Variants in TCF20 observed in about 807,000 individuals in gnomAD.
TCF20 encodes the protein transcription factor 20.
TCF20 carries 3 observed loss-of-function variants against 148.6 expected under a neutral mutation model. The observed-to-expected ratio is 0.02, with a 90% confidence interval of 0.01 to 0.05. The LOEUF is 0.05. Among genes scored for constraint, TCF20 ranks in the 10% least tolerant of loss-of-function variants. The pLI, the probability that TCF20 is intolerant of heterozygous loss-of-function variation, is 1.00. For synonymous variants in TCF20, 1,049 were observed against 909.5 expected, an observed-to-expected ratio of 1.15 and a Z score of -2.76; for missense variants, 2,350 against 2,429.3, an observed-to-expected ratio of 0.97 and a Z score of 0.69.
chr22:42,267,916 C>A lies in TCF20; in HGVS notation c.-37+2423G>T, dbSNP rs1264304671. On this transcript the variant is annotated intron_variant, in intron 1 of 5. Coordinates refer to ENST00000677622, the MANE Select transcript of TCF20 (RefSeq NM_001378418.1). ...ATCCCAGCACTTTGGGAAGTCAAGGCAGGCGGATCACCTGAGGTCAGGAGT... is the reference window on the plus strand; with the variant it reads ...ATCCCAGCACTTTGGGAAGTCAAGGAAGGCGGATCACCTGAGGTCAGGAGT... Among the ~76,000 whole-genome samples the A allele has an allele frequency of 3.3e-5, 5 of 152,296 alleles. No individual in the cohort carries two copies. The East Asian group carries it at 9.7e-4, about 29-fold the overall frequency.
At chr22:42,224,422 G>A (rs1262308143) in intron 1 of TCF20, among the ~76,000 whole-genome samples, 3 of 149,402 alleles carry the variant, frequency 2.0e-5, no homozygotes, top group Non-Finnish European at 3.0e-5. Flanking sequence ...CAGTGAGATC[G>A]CACCACTGCA....
intron 1 of TCF20, among the ~76,000 whole-genome samples, chr22:42,223,256 A>AT (rs1044994674): frequency 1.3e-5 from 2 of 152,110 alleles, no homozygotes; most frequent in African/African-American, 4.8e-5. Flanking sequence ...AATTAATGTA[A>AT]TTTTTTCCAA....
chr22:42,279,612 G>T lies in TCF20; in HGVS notation c.-37+4215C>A, dbSNP rs1926856622. Among the ~76,000 whole-genome samples, 1 of 152,246 alleles carries T rather than the reference G, an allele frequency of 6.6e-6. No homozygotes were observed. Among genetic ancestry groups the T allele is most frequent in the Non-Finnish European group, 1.5e-5 (1 of 68,046 alleles). On this transcript the variant is annotated intron_variant, in intron 1 of 5. Transcript: ENST00000359486. This position sits in a 1 kb window ranked among gnomAD's most constrained non-coding sequence, Gnocchi z 4.3. Reference sequence around the variant, plus strand: ...CCCGAGTGAGGGCTGCAGGCACACAGTGACTGCGCTTCTCAGTGCCACAAG... The same window carrying T: ...CCCGAGTGAGGGCTGCAGGCACACATTGACTGCGCTTCTCAGTGCCACAAG...
In TCF20 at chr22:42,197,515, G is replaced by C. The variant is rs142652891; in HGVS notation, c.5655+12136C>G. Among the ~76,000 whole-genome samples the C allele has an allele frequency of 5.2e-3, 797 of 152,040 alleles. 21 individuals carry two copies. In the East Asian group the frequency reaches 0.063, roughly 12 times the overall value. On this transcript the variant is annotated intron_variant, in intron 2 of 5. Transcript: ENST00000677622. ...TTTTTTGTATTTTTAGTAGAGACAG[G>C]GTTTCACCGTGTTAGCCAGGATGGT...
At chr22:42,302,592 C>A (rs1053382883) in intron 1 of TCF20, among the ~76,000 whole-genome samples, 3 of 152,198 alleles carry the variant, frequency 2.0e-5, no homozygotes, top group Non-Finnish European at 1.5e-5. Context: ...CCTCTTTCAT[C>A]CCTGTCCTTG....
intron 1 of TCF20, among the ~76,000 whole-genome samples, chr22:42,307,329 C>T (rs1265863156): frequency 6.6e-6 from 1 of 152,232 alleles, no homozygotes; most frequent in Admixed American, 6.5e-5. Flanking sequence ...CATTCCCTGC[C>T]TTCCATCTGC....
At chr22:42,175,822 T>C (rs1423527669) in intron 3 of TCF20, among the ~76,000 whole-genome samples, 1 of 151,944 alleles carries the variant, frequency 6.6e-6, no homozygotes, top group East Asian at 1.9e-4. Context: ...TTCATTTTTG[T>C]TTTGAGATAG....
At chr22:42,195,127 T>C (rs746475137) in intron 2 of TCF20, among the ~76,000 whole-genome samples, 1 of 149,316 alleles carries the variant, frequency 6.7e-6, no homozygotes, top group Non-Finnish European at 1.5e-5. Context: ...TGGGAGACCC[T>C]GGAGGAAGAA....
At chr22:42,238,588 A>T (rs1021236522) in intron 1 of TCF20, among the ~76,000 whole-genome samples, 4 of 152,240 alleles carry the variant, frequency 2.6e-5, no homozygotes, top group African/African-American at 9.6e-5. Flanking sequence ...TTCTGATTTA[A>T]AAGTGAGAGA....
intron 2 of TCF20, among the ~76,000 whole-genome samples, chr22:42,191,556 G>A (rs750885852): frequency 1.1e-4 from 17 of 152,018 alleles, no homozygotes; most frequent in Admixed American, 3.9e-4. Context: ...CCCAAAGTGC[G>A]GGGATTACAG....
intron 1 of TCF20, among the ~76,000 whole-genome samples, chr22:42,310,010 G>A (rs1927504745): frequency 6.6e-6 from 1 of 152,234 alleles, no homozygotes; most frequent in Admixed American, 6.5e-5. Flanking sequence ...CCCAGGCACT[G>A]CTGAATCAGA....
At chr22:42,165,166 G>T (rs1935706047) in intron 5 of TCF20, among the ~76,000 whole-genome samples, 1 of 152,224 alleles carries the variant, frequency 6.6e-6, no homozygotes, top group South Asian at 2.1e-4. Context: ...TGTAACCCTG[G>T]ACTGCCTCTG....
chr22:42,284,728 G>T (rs1223197758), upstream of TCF20, among the ~76,000 whole-genome samples: 1 of 152,216 alleles, frequency 6.6e-6, no homozygotes, highest in Non-Finnish European at 1.5e-5. Flanking sequence ...GGCCTGGCCT[G>T]GGGTCCTGGC....
chr22:42,185,879 G>A (rs997918522), intron 2 of TCF20, among the ~76,000 whole-genome samples: 3 of 152,150 alleles, frequency 2.0e-5, no homozygotes, highest in Admixed American at 1.3e-4. Flanking sequence ...ACCAGCCTCT[G>A]GGACCTGCAC....
intron 1 of TCF20, among the ~76,000 whole-genome samples, chr22:42,303,486 A>C (rs181307542): frequency 7.2e-5 from 11 of 152,296 alleles, no homozygotes; most frequent in African/African-American, 2.6e-4. Flanking sequence ...CCTGCACAAC[A>C]CCCCATGGGC....
intron 2 of TCF20, among the ~76,000 whole-genome samples, chr22:42,188,924 C>T (rs1331137994): frequency 6.6e-6 from 1 of 152,136 alleles, no homozygotes. Context: ...AGACTTAATG[C>T]CACCAACCTA....
Position 42,231,089 on chromosome 22 carries a change from G to A in TCF20, c.-36-15748C>T, listed in dbSNP as rs183414520. Reference sequence around the variant, plus strand: ...AGGCAGGAGAATCGCTTGAACTCGCGACATGGAGGCTGCAGTGAGCTGAGA... The same window carrying A: ...AGGCAGGAGAATCGCTTGAACTCGCAACATGGAGGCTGCAGTGAGCTGAGA... On this transcript the variant is annotated intron_variant, in intron 1 of 5. Coordinates refer to ENST00000677622, the MANE Select transcript of TCF20 (RefSeq NM_001378418.1). Among the ~76,000 whole-genome samples the A allele has an allele frequency of 1.5e-3, 229 of 152,220 alleles. 1 individual carries two copies. The highest frequency in any genetic ancestry group is 0.014 in the Middle Eastern group (4 of 294).
rs559078215 is a variant in TCF20 at position 42,321,934 on chromosome 22, G to A, written c.-37+21545C>T. Reference sequence around the variant, plus strand: ...TGCACTCCAGCCTGGGTGACAGAGCGAGACTCCATCTTAAAAAAAAAAAAA... The same window carrying A: ...TGCACTCCAGCCTGGGTGACAGAGCAAGACTCCATCTTAAAAAAAAAAAAA... On this transcript the variant is annotated intron_variant, in intron 1 of 1. Coordinates refer to the TCF20 transcript ENST00000515426. 3.3e-5 allele frequency among the ~76,000 whole-genome samples: 5 copies of A among 150,538 alleles called. No individual in the cohort carries two copies. The East Asian group carries it at 7.8e-4, about 24-fold the overall frequency.
Position 42,297,123 on chromosome 22 carries a change from C to A in TCF20, c.-37+46356G>T, listed in dbSNP as rs535855969. On this transcript the variant is annotated intron_variant, in intron 1 of 1. Coordinates refer to the TCF20 transcript ENST00000515426. The surrounding 1 kb of genome is among the most constrained non-coding windows in gnomAD (Gnocchi z 4.3). Reference sequence around the variant, plus strand: ...GAACCTGTGTCCCAACCCCTATGCACTACTGGTTCAGGCAGGCCTCAGTGC... The same window carrying A: ...GAACCTGTGTCCCAACCCCTATGCAATACTGGTTCAGGCAGGCCTCAGTGC... Among the ~76,000 whole-genome samples the A allele has an allele frequency of 2.6e-4, 39 of 152,342 alleles. No homozygotes were observed. Among genetic ancestry groups the A allele is most frequent in the Admixed American group, 2.2e-3 (33 of 15,312 alleles).
Sources: allele counts gnomAD v4.1 joint callset (sites outside exome capture counted in the v4.1 genomes callset), GRCh38; gene constraint gnomAD v4.1.1; non-coding constraint Gnocchi (gnomAD v3.1); transcripts MANE v1.5; gene names NCBI Gene and HGNC (gene_info 2026-07-23, HGNC 2026-07-21).